Variants in TCP11L2 observed in about 807,000 individuals in gnomAD.
TCP11L2 encodes T-complex protein 11-like protein 2.
In TCP11L2, 39 loss-of-function variants were observed where a neutral mutation model predicts 50.7. The observed-to-expected ratio is 0.77, with a 90% CI of 0.60 to 1.01. TCP11L2 has a LOEUF of 1.01. Ranked by LOEUF, TCP11L2 falls within the 50% of genes least tolerant of loss-of-function variation. The pLI, the probability that TCP11L2 is intolerant of heterozygous loss-of-function variation, is 0.00. For missense variants in TCP11L2, 612 were observed against 614.7 expected (o/e 1.00, Z 0.05); for synonymous variants, 192 against 219.3 (o/e 0.88, Z 1.10).
intron 4 of TCP11L2, among the ~76,000 whole-genome samples, chr12:106,321,055 T>C (rs1565847378): frequency 6.6e-6 from 1 of 152,258 alleles, no homozygotes; most frequent in Admixed American, 6.5e-5. Flanking sequence ...TTTAGAAGTT[T>C]GGTGATTTTT....
At chr12:106,345,710 T>TA (rs1374295392) in intron 9 of TCP11L2, among the ~76,000 whole-genome samples, 1 of 151,940 alleles carries the variant, frequency 6.6e-6, no homozygotes, top group Non-Finnish European at 1.5e-5. Context: ...CTCCTGAGCT[T>TA]AAAAAAAATA....
intron 1 of TCP11L2, among the ~76,000 whole-genome samples, chr12:106,308,565 C>T (rs1035688566): frequency 3.9e-5 from 6 of 152,008 alleles, no homozygotes; most frequent in African/African-American, 1.2e-4. Flanking sequence ...TGAGGGCAAC[C>T]GAAGTAGAGA....
intron 1 of TCP11L2, among the ~76,000 whole-genome samples, chr12:106,309,185 C>A (rs528850871): frequency 6.6e-6 from 1 of 152,308 alleles, no homozygotes; most frequent in African/African-American, 2.4e-5. Context: ...GGTTTGGTGG[C>A]AGTGAAAGGT....
rs1418014043 is a variant in TCP11L2, at chr12:106,336,067, A to T, written c.996A>T (p.Leu332=). The T allele has an allele frequency of 6.2e-7, 1 of 1,613,682 alleles. No homozygotes were observed. The highest frequency in any genetic ancestry group is 2.2e-5 in the East Asian group (1 of 44,900). Residue 332 remains leucine (L), a synonymous_variant, in exon 8 of 10, where the codon CTA becomes CTT. Transcript: ENST00000299045. ...LMTDGARLQE[L]TEKLNQLKII... ...CAGATGGAGCACGTCTTCAGGAACT[A>T]ACAGAAAAGCTGAATCAATTGAAAA...
chr12:106,318,397 A>T lies in TCP11L2; in HGVS notation c.347A>T (p.Asp116Val). 6.2e-7 allele frequency: 1 copy of T among 1,614,092 alleles called. No homozygotes were observed. The highest frequency in any genetic ancestry group is 1.1e-5 in the South Asian group (1 of 91,080). The change falls in exon 4 of 10, where the codon GAT becomes GTT. Residue 116 changes from aspartate (D) to valine (V), a missense_variant. Coordinates refer to ENST00000299045, the MANE Select transcript of TCP11L2 (RefSeq NM_152772.3). The part of the protein sequence containing the change: ...IVHQAFWDVL[D>V]SELNADPPEF... ...CACCAGGCCTTCTGGGACGTCTTGGATTCAGAACTAAATGCTGACCCTCCT... is the reference window on the plus strand; with the variant it reads ...CACCAGGCCTTCTGGGACGTCTTGGTTTCAGAACTAAATGCTGACCCTCCT...
chr12:106,312,095 T>A (rs538543404), intron 2 of TCP11L2, among the ~76,000 whole-genome samples: 1 of 152,264 alleles, frequency 6.6e-6, no homozygotes, highest in South Asian at 2.1e-4. Flanking sequence ...CATAGACATA[T>A]GTGTGTATAT....
In TCP11L2 at chr12:106,321,509, C is replaced by T. The variant is rs756343446; in HGVS notation, c.438C>T (p.Pro146=). The change falls in exon 5 of 10, where the codon CCC becomes CCT. Residue 146 remains proline (P), a synonymous_variant. Coordinates refer to ENST00000299045, the MANE Select transcript of TCP11L2 (RefSeq NM_152772.3). ...IREILLSFLT[P]GGNRLRNQIC... ...AGATTCTTCTCTCTTTTCTCACTCC[C>T]GGTGGCAACCGGCTTCGCAACCAAA... 38 of 1,613,902 alleles carry T rather than the reference C, an allele frequency of 2.4e-5. 1 individual carries two copies. In the East Asian group the frequency reaches 3.6e-4, roughly 15 times the overall value.
intron 6 of TCP11L2, chr12:106,329,364 A>C (rs1592964257): frequency 4.6e-6 from 7 of 1,536,038 alleles, no homozygotes; most frequent in Non-Finnish European, 6.1e-6. Context: ...CATGAGGCTG[A>C]CCTTGCTTTT....
intron 6 of TCP11L2, among the ~76,000 whole-genome samples, chr12:106,330,589 A>G (rs986764247): frequency 3.9e-5 from 6 of 152,168 alleles, no homozygotes; most frequent in African/African-American, 1.4e-4. Context: ...AAGAATTGGA[A>G]TGAATCCATT....
In TCP11L2 at chr12:106,335,801, A is replaced by T. The variant is rs2035898330; in HGVS notation, c.935A>T (p.Asp312Val). 1 of 1,613,626 alleles carries T rather than the reference A, an allele frequency of 6.2e-7. No homozygotes were observed. The highest frequency in any genetic ancestry group is 8.5e-7 in the Non-Finnish European group (1 of 1,179,936). Residue 312 changes from aspartate (D) to valine (V), a missense_variant, in exon 7 of 10, where the codon GAT becomes GTT. Coordinates refer to ENST00000299045, the MANE Select transcript of TCP11L2 (RefSeq NM_152772.3). ...NNSYLKLLQW[D>V]YQKKELPETL... ...AGTTACTTGAAACTGTTACAGTGGG[A>T]TTATCAGAAAAAAGAATTACCAGAG... is the stretch of plus-strand genomic sequence containing the variant.
At chr12:106,312,724 A>T (rs959062783) in intron 2 of TCP11L2, among the ~76,000 whole-genome samples, 2 of 152,080 alleles carry the variant, frequency 1.3e-5, no homozygotes, top group African/African-American at 2.4e-5. Flanking sequence ...TCTACTAAAA[A>T]TACAAAAATT....
chr12:106,336,049 A>G lies in TCP11L2; in HGVS notation c.978A>G (p.Gly326=), dbSNP rs755203848. ...KELPETLMTD[G]ARLQELTEKL... ...TATGTTAGACACTTATGACAGATGG[A>G]GCACGTCTTCAGGAACTAACAGAAA... The change falls in exon 8 of 10, where the codon GGA becomes GGG. Residue 326 remains glycine, a synonymous_variant. Coordinates refer to ENST00000299045, the MANE Select transcript of TCP11L2 (RefSeq NM_152772.3). 10 of 1,612,324 alleles carry G rather than the reference A, an allele frequency of 6.2e-6. No homozygotes were observed. The highest frequency in any genetic ancestry group is 2.2e-5 in the South Asian group (2 of 90,666).
rs1398010147 is a variant in TCP11L2, at chr12:106,346,914, T to C, written c.*384T>C. ...TGTTATTATCAAACCTAATGGTTTT[T>C]AATTTTGGTACAACTCCTTAAAGGG... On this transcript the variant is annotated 3_prime_UTR_variant, in exon 10 of 10. Coordinates refer to ENST00000299045, the MANE Select transcript of TCP11L2 (RefSeq NM_152772.3). 6.1e-6 allele frequency: 1 copy of C among 163,144 alleles called. No homozygotes were observed. The highest frequency in any genetic ancestry group is 1.3e-5 in the Non-Finnish European group (1 of 75,242). 10.1% of individuals were successfully genotyped at this position (163,144 alleles called of 1,614,324 possible).
chr12:106,326,676 A>C (rs924726174), intron 6 of TCP11L2, among the ~76,000 whole-genome samples: 2 of 152,180 alleles, frequency 1.3e-5, no homozygotes, highest in African/African-American at 4.8e-5. Context: ...GACTACTAGT[A>C]AGGGGTAGAG....
intron 2 of TCP11L2, chr12:106,312,240 C>T (rs1006950439): frequency 7.2e-6 from 3 of 415,446 alleles, no homozygotes; most frequent in Non-Finnish European, 1.4e-5. Context: ...TGATTAATCA[C>T]TGGACATTTA....
At chr12:106,327,351 G>A (rs780874963) in intron 6 of TCP11L2, among the ~76,000 whole-genome samples, 115 of 152,110 alleles carry the variant, frequency 7.6e-4, no homozygotes, top group Non-Finnish European at 1.3e-3. Context: ...GTGCCACCAC[G>A]CCTGGCTAAT....
At chr12:106,302,174 G>C (rs1280795729), upstream of TCP11L2, among the ~76,000 whole-genome samples, 1 of 152,174 alleles carries the variant, frequency 6.6e-6, no homozygotes, top group Non-Finnish European at 1.5e-5. Context: ...GGGGTGTGCG[G>C]GCACTCAATG....
chr12:106,312,440 T>C, intron 2 of TCP11L2: 3 of 1,204,208 alleles, frequency 2.5e-6, no homozygotes, highest in Non-Finnish European at 3.1e-6. Context: ...CCCAGGTTTC[T>C]GTGCCTTTTC....
intron 6 of TCP11L2, chr12:106,329,250 A>G (rs1000636137): frequency 6.6e-7 from 1 of 1,509,068 alleles, no homozygotes. Context: ...TACTTGGTAC[A>G]ATACCTGGGA....
Sources: gnomAD v4.1 joint callset for allele counts (sites outside exome capture counted in the v4.1 genomes callset) on GRCh38, gnomAD v4.1.1 for gene constraint, MANE v1.5 for transcripts, NCBI Gene and HGNC (gene_info 2026-07-23, HGNC 2026-07-21) for gene names.